The following PDE4D variants were observed in gnomAD, a reference collection of about 807,000 sequenced individuals.
The protein encoded by PDE4D is phosphodiesterase 4D, also known as 3',5'-cyclic-AMP phosphodiesterase 4D.
In PDE4D, 24 loss-of-function variants were observed where a neutral mutation model predicts 87.4. The ratio of observed to expected loss-of-function variants is 0.27; its 90% CI spans 0.20 to 0.39. PDE4D has a LOEUF of 0.39. PDE4D is among the 10% of genes least tolerant of loss of function. The pLI, the probability that PDE4D is intolerant of heterozygous loss-of-function variation, is 1.00. For synonymous variants in PDE4D, 384 were observed against 383.2 expected, an observed-to-expected ratio of 1.00 and a Z score of -0.02; for missense variants, 714 against 1,041.0, an observed-to-expected ratio of 0.69 and a Z score of 4.32.
intron 2 of PDE4D, among the ~76,000 whole-genome samples, chr5:60,136,311 C>T (rs796596739): frequency 9.3e-5 from 12 of 129,598 alleles, no homozygotes; most frequent in African/African-American, 3.4e-4. Flanking sequence ...TATTTCTGGA[C>T]TATCTTTTTT....
At chr5:60,469,164 T>C (rs1174473601) in intron 1 of PDE4D, among the ~76,000 whole-genome samples, 2 of 152,178 alleles carry the variant, frequency 1.3e-5, no homozygotes, top group Non-Finnish European at 2.9e-5. Context: ...ATTCTCACTA[T>C]GGTCACTAAG....
chr5:59,902,956 T>C (rs1393236574), intron 3 of PDE4D, among the ~76,000 whole-genome samples: 2 of 152,172 alleles, frequency 1.3e-5, no homozygotes, highest in African/African-American at 2.4e-5. Flanking sequence ...CAAAGTTTAG[T>C]TTTAAAGTTT....
chr5:58,976,482 T>G lies in PDE4D; in HGVS notation c.1708-10A>C. On this transcript the variant is annotated splice_polypyrimidine_tract_variant and intron_variant, in intron 12 of 14. Transcript: ENST00000340635. ...TATCTGTTGCAAGTACCTTAAAATA[T>G]AGAGTATATTATTAAGTTCAGAGAA... 1.5e-5 allele frequency: 23 copies of G among 1,534,786 alleles called. No homozygotes were observed. The highest frequency in any genetic ancestry group is 2.0e-5 in the Non-Finnish European group (23 of 1,130,390).
At chr5:59,435,874 G>T (rs1200851960) in intron 1 of PDE4D, among the ~76,000 whole-genome samples, 3 of 152,136 alleles carry the variant, frequency 2.0e-5, no homozygotes, top group Non-Finnish European at 2.9e-5. Flanking sequence ...CAATCAAACA[G>T]AAATACTTTG....
chr5:60,477,428 C>T (rs1353645108), intron 1 of PDE4D, among the ~76,000 whole-genome samples: 1 of 151,712 alleles, frequency 6.6e-6, no homozygotes, highest in Non-Finnish European at 1.5e-5. Flanking sequence ...GCTTTAAAAA[C>T]AGTGCTGAAA....
At chr5:60,034,905 C>A (rs1767620379) in intron 2 of PDE4D, among the ~76,000 whole-genome samples, 1 of 152,076 alleles carries the variant, frequency 6.6e-6, no homozygotes, top group Admixed American at 6.6e-5. Flanking sequence ...TGCTGTACAA[C>A]TCTCCCTCTG....
intron 1 of PDE4D, among the ~76,000 whole-genome samples, chr5:59,722,421 CTTAAT>C (rs756292059): frequency 5.9e-5 from 9 of 152,328 alleles, no homozygotes; most frequent in Middle Eastern, 3.4e-3. Flanking sequence ...TTTATTCTAA[CTTAAT>C]TTAAAGTATT....
intron 1 of PDE4D, among the ~76,000 whole-genome samples, chr5:59,313,479 C>T (rs1480290601): frequency 6.6e-6 from 1 of 151,860 alleles, no homozygotes. Context: ...GCAGTCCTAC[C>T]TCAGGGTTTT....
At chr5:60,302,551 TTCTC>T (rs1487960267) in intron 1 of PDE4D, among the ~76,000 whole-genome samples, 3 of 152,192 alleles carry the variant, frequency 2.0e-5, no homozygotes, top group Non-Finnish European at 2.9e-5. Flanking sequence ...TATTTGATCC[TTCTC>T]TCTTTTATTC....
intron 1 of PDE4D, among the ~76,000 whole-genome samples, chr5:59,263,854 G>A (rs1751747954): frequency 6.6e-6 from 1 of 151,892 alleles, no homozygotes. Context: ...GGGGCATAAA[G>A]GTGACTTTTG....
At chr5:60,454,272 C>G (rs934492900) in intron 1 of PDE4D, among the ~76,000 whole-genome samples, 47 of 152,074 alleles carry the variant, frequency 3.1e-4, no homozygotes, top group Non-Finnish European at 1.0e-4. Flanking sequence ...CCTGAAATAC[C>G]ATTTGACCCA....
intron 1 of PDE4D, among the ~76,000 whole-genome samples, chr5:60,386,613 T>C: frequency 6.6e-6 from 1 of 152,210 alleles, no homozygotes; most frequent in East Asian, 1.9e-4. Context: ...AGTGCAGCAT[T>C]GGGCAGGGGC....
At chr5:60,310,908 C>A (rs181710095) in intron 1 of PDE4D, among the ~76,000 whole-genome samples, 174 of 152,306 alleles carry the variant, frequency 1.1e-3, no homozygotes, top group African/African-American at 3.8e-3. Flanking sequence ...ATGTGCTCTC[C>A]TGTGTTCCCA....
intron 1 of PDE4D, among the ~76,000 whole-genome samples, chr5:59,727,718 G>C (rs181785410): frequency 6.6e-6 from 1 of 152,160 alleles, no homozygotes; most frequent in East Asian, 1.9e-4. Flanking sequence ...TACCCTCTGT[G>C]AGCATGTTCT....
intron 3 of PDE4D, among the ~76,000 whole-genome samples, chr5:59,967,138 C>T (rs556769063): frequency 3.9e-4 from 59 of 152,188 alleles, no homozygotes; most frequent in African/African-American, 1.3e-3. Context: ...TTGGCATAAT[C>T]GGAGTCAGCT....
chr5:59,904,232 A>G (rs904899445), intron 3 of PDE4D, among the ~76,000 whole-genome samples: 10 of 152,194 alleles, frequency 6.6e-5, no homozygotes, highest in African/African-American at 2.4e-4. Flanking sequence ...ATATGTAAAT[A>G]AAATAAACAA....
intron 1 of PDE4D, among the ~76,000 whole-genome samples, chr5:59,273,819 G>A (rs1008881632): frequency 1.3e-5 from 2 of 151,974 alleles, no homozygotes; most frequent in Non-Finnish European, 2.9e-5. Flanking sequence ...TAATAATTGT[G>A]GATAAAAATA....
At chr5:59,762,063 A>C (rs1762031627) in intron 1 of PDE4D, among the ~76,000 whole-genome samples, 1 of 151,984 alleles carries the variant, frequency 6.6e-6, no homozygotes, top group Admixed American at 6.6e-5. Context: ...ATGCTGTTAC[A>C]TGTGTGTACT....
chr5:59,141,605 C>A (rs1561556714), intron 5 of PDE4D, among the ~76,000 whole-genome samples: 1 of 152,108 alleles, frequency 6.6e-6, no homozygotes, highest in African/African-American at 2.4e-5. Flanking sequence ...ATAGACCGGG[C>A]TTTTTTTGAA....
Sources: allele counts gnomAD v4.1 joint callset (sites outside exome capture counted in the v4.1 genomes callset), GRCh38; gene constraint gnomAD v4.1.1; transcripts MANE v1.5; gene names NCBI Gene and HGNC (gene_info 2026-07-23, HGNC 2026-07-21).